CHCHD3: variants seen among roughly 807,000 people sequenced by gnomAD.
CHCHD3 encodes the protein coiled-coil-helix-coiled-coil-helix domain containing 3, also known as MICOS complex subunit MIC19.
A neutral mutation model predicts 38.2 loss-of-function variants in CHCHD3; 20 were observed. The ratio of observed to expected loss-of-function variants is 0.52; its 90% CI spans 0.37 to 0.76. The LOEUF (loss-of-function observed/expected upper bound fraction) is 0.76. Ranked by LOEUF, CHCHD3 falls within the 30% of genes least tolerant of loss-of-function variation. CHCHD3 has a pLI of 0.00. For missense variants in CHCHD3, 245 were observed against 279.2 expected (o/e 0.88, Z 0.87); for synonymous variants, 82 against 100.0 (o/e 0.82, Z 1.07).
chr7:132,980,885 T>C (rs1211212953), intron 3 of CHCHD3, among the ~76,000 whole-genome samples: 1 of 152,190 alleles, frequency 6.6e-6, no homozygotes, highest in African/African-American at 2.4e-5. Flanking sequence ...CCTCAAGTTT[T>C]TAAGAAAGTA....
At chr7:133,011,242 G>T (rs371467204) in intron 3 of CHCHD3, among the ~76,000 whole-genome samples, 1 of 152,216 alleles carries the variant, frequency 6.6e-6, no homozygotes, top group African/African-American at 2.4e-5. Context: ...AAAGGACTTG[G>T]ACTTTATGCT....
chr7:132,986,022 G>A (rs375658691), intron 3 of CHCHD3, among the ~76,000 whole-genome samples: 1 of 151,268 alleles, frequency 6.6e-6, no homozygotes, highest in African/African-American at 2.4e-5. Flanking sequence ...TGTAGAAAGA[G>A]GTAGACATGG....
At chr7:132,991,383 T>C (rs1812281498) in intron 3 of CHCHD3, among the ~76,000 whole-genome samples, 1 of 152,226 alleles carries the variant, frequency 6.6e-6, no homozygotes, top group African/African-American at 2.4e-5. Context: ...TTCATATAAA[T>C]ACATAGCTCT....
At chr7:132,946,570 C>A (rs1234470710) in intron 4 of CHCHD3, among the ~76,000 whole-genome samples, 1 of 151,620 alleles carries the variant, frequency 6.6e-6, no homozygotes, top group African/African-American at 2.4e-5. Context: ...AAATTTATAT[C>A]CAAAAATGAT....
chr7:133,076,008 G>A (rs141844993), intron 1 of CHCHD3, among the ~76,000 whole-genome samples: 162 of 139,350 alleles, frequency 1.2e-3, no homozygotes, highest in Middle Eastern at 4.3e-3. Context: ...GCAATGAGCC[G>A]AGATCGCACC....
At chr7:132,851,829 G>A (rs968242030) in intron 5 of CHCHD3, among the ~76,000 whole-genome samples, 5 of 152,190 alleles carry the variant, frequency 3.3e-5, no homozygotes, top group African/African-American at 1.2e-4. Flanking sequence ...TCCACTGGAT[G>A]GCTTTATACA....
intron 7 of CHCHD3, among the ~76,000 whole-genome samples, chr7:132,787,295 C>A (rs765732135): frequency 4.6e-5 from 7 of 152,042 alleles, no homozygotes; most frequent in Non-Finnish European, 1.0e-4. Flanking sequence ...GGAATGTTAA[C>A]CTGACATCCT....
rs1435445378 is a variant in CHCHD3, at chr7:133,024,552, T to C, written c.245A>G (p.Gln82Arg). ...LEQAKKESED[Q>R]KRLKQAKELD... ...CTGATACCACAAAACTCACCGTTTC[T>C]GATCTTCGGATTCTTTCTTGGCTTG... The change falls in exon 3 of 8, where the codon CAG becomes CGG. Residue 82 changes from glutamine (Q) to arginine (R), a missense_variant. Coordinates refer to ENST00000262570, the MANE Select transcript of CHCHD3 (RefSeq NM_017812.4). The C allele has an allele frequency of 1.2e-6, 2 of 1,612,314 alleles. No individual in the cohort carries two copies. The highest frequency in any genetic ancestry group is 1.7e-5 in the Admixed American group (1 of 60,020).
chr7:132,908,542 T>C (rs1462838449), intron 4 of CHCHD3, among the ~76,000 whole-genome samples: 6 of 152,218 alleles, frequency 3.9e-5, no homozygotes, highest in Non-Finnish European at 8.8e-5. Flanking sequence ...CCTTGGTTTT[T>C]AAGGCATGGT....
chr7:132,886,477 T>C (rs1421386948), intron 4 of CHCHD3, among the ~76,000 whole-genome samples: 3 of 151,814 alleles, frequency 2.0e-5, no homozygotes, highest in Non-Finnish European at 4.4e-5. Context: ...CTTAAACTAA[T>C]GTTGGTATCT....
chr7:132,941,578 C>T (rs17166807), intron 4 of CHCHD3, among the ~76,000 whole-genome samples: 1,718 of 152,306 alleles, frequency 0.011, 32 homozygotes, highest in African/African-American at 0.039. Context: ...ACGTTTACCA[C>T]TTCCTGGTTA....
chr7:132,958,711 C>G lies in CHCHD3; in HGVS notation c.369+16458G>C, dbSNP rs189672778. Reference sequence around the variant, plus strand: ...TGTTCTGAAGCCACTCAGTACATTTCAAGCTTTATCCCAAGACCACTATTT... The same window carrying G: ...TGTTCTGAAGCCACTCAGTACATTTGAAGCTTTATCCCAAGACCACTATTT... On this transcript the variant is annotated intron_variant, in intron 4 of 7. Transcript: ENST00000262570. 5.9e-5 allele frequency among the ~76,000 whole-genome samples: 9 copies of G among 152,328 alleles called. No homozygotes were observed. The East Asian group carries it at 1.5e-3, about 26-fold the overall frequency.
intron 4 of CHCHD3, among the ~76,000 whole-genome samples, chr7:132,957,383 C>T (rs1811204918): frequency 6.6e-6 from 1 of 152,168 alleles, no homozygotes; most frequent in Non-Finnish European, 1.5e-5. Context: ...AATGGTGGGG[C>T]CAAACTGGGA....
chr7:132,890,063 C>T (rs913343622), intron 4 of CHCHD3, among the ~76,000 whole-genome samples: 2 of 152,058 alleles, frequency 1.3e-5, no homozygotes, highest in African/African-American at 4.8e-5. Context: ...TTGCCAGATT[C>T]GGGATAACGT....
intron 5 of CHCHD3, chr7:132,849,561 A>G (rs1187500544): frequency 6.6e-6 from 1 of 152,234 alleles, no homozygotes; most frequent in Admixed American, 6.5e-5. Context: ...AGCCAAATTA[A>G]GATTCCTTAT....
intron 2 of CHCHD3, among the ~76,000 whole-genome samples, chr7:133,032,650 C>A (rs1478094272): frequency 2.0e-5 from 3 of 152,192 alleles, no homozygotes; most frequent in Admixed American, 6.5e-5. Flanking sequence ...AGCCGTATAG[C>A]AAGAGATAAG....
intron 4 of CHCHD3, among the ~76,000 whole-genome samples, chr7:132,899,612 T>G (rs1346047414): frequency 1.3e-5 from 2 of 152,206 alleles, no homozygotes. Flanking sequence ...TTGCTTCACT[T>G]ATGCAGGCCA....
intron 4 of CHCHD3, among the ~76,000 whole-genome samples, chr7:132,970,618 T>A (rs1383196569): frequency 6.6e-6 from 1 of 152,228 alleles, no homozygotes; most frequent in Non-Finnish European, 1.5e-5. Context: ...CAAGATTTTG[T>A]CTTTTATTCA....
chr7:133,047,599 G>GA (rs1314336718), intron 2 of CHCHD3, among the ~76,000 whole-genome samples: 3 of 151,994 alleles, frequency 2.0e-5, no homozygotes, highest in African/African-American at 4.8e-5. Flanking sequence ...AATTACAGGT[G>GA]AAAAAAATCC....
Sources: gnomAD v4.1 joint callset for allele counts (sites outside exome capture counted in the v4.1 genomes callset) on GRCh38, gnomAD v4.1.1 for gene constraint, MANE v1.5 for transcripts, NCBI Gene and HGNC (gene_info 2026-07-23, HGNC 2026-07-21) for gene names.